The following STPG2 variants were observed in gnomAD, a reference collection of about 807,000 sequenced individuals.
The protein encoded by STPG2 is sperm tail PG-rich repeat containing 2.
Under a neutral mutation model 54.2 loss-of-function variants are expected in STPG2, and 56 were observed. The ratio of observed to expected loss-of-function variants is 1.03; its 90% CI spans 0.83 to 1.29. STPG2 has a LOEUF of 1.29. Ranked by LOEUF, STPG2 falls within the 50% of genes most tolerant of loss-of-function variation. The probability of loss-of-function intolerance (pLI) is 0.00; values close to 1 mark genes in which losing one functional copy is unlikely to be tolerated. For synonymous variants in STPG2, 200 were observed against 181.8 expected, an observed-to-expected ratio of 1.10 and a Z score of -0.81; for missense variants, 596 against 544.9, an observed-to-expected ratio of 1.09 and a Z score of -0.93.
intron 4 of STPG2, among the ~76,000 whole-genome samples, chr4:97,460,608 T>C (rs1729639188): frequency 6.6e-6 from 1 of 152,204 alleles, no homozygotes; most frequent in Non-Finnish European, 1.5e-5. Context: ...CAAGGAAACA[T>C]TTATTAAAAG....
intron 9 of STPG2, among the ~76,000 whole-genome samples, chr4:97,763,502 T>C (rs749411032): frequency 2.6e-5 from 4 of 152,216 alleles, no homozygotes; most frequent in African/African-American, 7.2e-5. Flanking sequence ...CAAATTTCTA[T>C]GATAGGTGAC....
chr4:97,441,377 A>T (rs1729075379), intron 4 of STPG2: 1 of 152,036 alleles, frequency 6.6e-6, no homozygotes. Context: ...GAAAAAAACA[A>T]ATATTATATA....
At chr4:97,558,506 C>T (rs1732136843), downstream of STPG2, among the ~76,000 whole-genome samples, 2 of 152,096 alleles carry the variant, frequency 1.3e-5, no homozygotes, top group South Asian at 4.1e-4. Flanking sequence ...GCTCACTTCC[C>T]CTGAAGGAAG....
chr4:97,650,079 T>C (rs1195595951), intron 10 of STPG2, among the ~76,000 whole-genome samples: 1 of 151,954 alleles, frequency 6.6e-6, no homozygotes, highest in Non-Finnish European at 1.5e-5. Context: ...CAGTTCACAA[T>C]AGGGTTCATG....
intron 10 of STPG2, among the ~76,000 whole-genome samples, chr4:97,576,113 GAT>G (rs2148887162): frequency 6.6e-6 from 1 of 152,138 alleles, no homozygotes; most frequent in East Asian, 1.9e-4. Context: ...AATCATAGAT[GAT>G]ATAAACAAAT....
chr4:97,463,698 C>CTT (rs1729722142), intron 4 of STPG2: 1 of 152,250 alleles, frequency 6.6e-6, no homozygotes, highest in East Asian at 1.9e-4. Context: ...GATCTGCCTG[C>CTT]CTTGGCCTCC....
chr4:97,857,438 T>C (rs1729370901), intron 8 of STPG2, among the ~76,000 whole-genome samples: 1 of 152,194 alleles, frequency 6.6e-6, no homozygotes. Flanking sequence ...ATTTCTAGTT[T>C]ATGGTCATAA....
intron 4 of STPG2, among the ~76,000 whole-genome samples, chr4:97,508,444 A>G (rs1180132835): frequency 1.3e-5 from 2 of 152,096 alleles, no homozygotes; most frequent in Non-Finnish European, 2.9e-5. Flanking sequence ...ATCAATCAAT[A>G]AAAAATAACT....
At chr4:98,071,858 T>C (rs574966827) in intron 5 of STPG2, among the ~76,000 whole-genome samples, 12 of 152,182 alleles carry the variant, frequency 7.9e-5, no homozygotes, top group Non-Finnish European at 1.6e-4. Flanking sequence ...CACAGTGAGA[T>C]ACTATCTCAT....
chr4:97,900,293 A>G (rs1437289325), intron 8 of STPG2, among the ~76,000 whole-genome samples: 1 of 151,936 alleles, frequency 6.6e-6, no homozygotes, highest in Non-Finnish European at 1.5e-5. Context: ...ACAAGGTTGC[A>G]GAAAAAGAAA....
chr4:97,691,837 C>G (rs1723375881), intron 10 of STPG2, among the ~76,000 whole-genome samples: 1 of 152,112 alleles, frequency 6.6e-6, no homozygotes. Context: ...CTATCCATGG[C>G]TGACAGACGT....
chr4:97,963,502 T>A (rs894440948), intron 7 of STPG2, among the ~76,000 whole-genome samples: 2 of 151,912 alleles, frequency 1.3e-5, no homozygotes, highest in Non-Finnish European at 1.5e-5. Flanking sequence ...AAAATTTTTT[T>A]AAAATAGCCA....
chr4:98,027,605 C>A (rs1427268160), intron 5 of STPG2, among the ~76,000 whole-genome samples: 4 of 152,062 alleles, frequency 2.6e-5, no homozygotes, highest in Non-Finnish European at 4.4e-5. Context: ...GTGTAGAACA[C>A]CAGACAAACA....
chr4:97,841,471 TATA>T (rs1728800575), intron 8 of STPG2, among the ~76,000 whole-genome samples: 1 of 151,786 alleles, frequency 6.6e-6, no homozygotes, highest in Non-Finnish European at 1.5e-5. Flanking sequence ...TATTAATAAA[TATA>T]ATAATTAATT....
chr4:97,919,527 A>AG (rs1732016344), intron 8 of STPG2, among the ~76,000 whole-genome samples: 1 of 152,002 alleles, frequency 6.6e-6, no homozygotes, highest in Non-Finnish European at 1.5e-5. Flanking sequence ...CACAAAAAAA[A>AG]GAAGAGAATG....
chr4:97,973,060 T>C (rs1734388465), intron 6 of STPG2, among the ~76,000 whole-genome samples: 1 of 152,174 alleles, frequency 6.6e-6, no homozygotes, highest in African/African-American at 2.4e-5. Flanking sequence ...ACTTTGGAAC[T>C]GGGTAACAGG....
At chr4:98,052,153 C>A (rs1340081171) in intron 5 of STPG2, among the ~76,000 whole-genome samples, 1 of 151,306 alleles carries the variant, frequency 6.6e-6, no homozygotes, top group Admixed American at 6.6e-5. Flanking sequence ...CCAAAAATTT[C>A]TCAAGTGGGG....
At chr4:97,725,161 A>C (rs554168978) in intron 9 of STPG2, among the ~76,000 whole-genome samples, 54 of 152,224 alleles carry the variant, frequency 3.5e-4, no homozygotes, top group African/African-American at 1.3e-3. Flanking sequence ...TGTTCTACTT[A>C]TTCATCCTAA....
At chr4:97,516,580 T>C (rs1578356684) in intron 4 of STPG2, among the ~76,000 whole-genome samples, 1 of 152,226 alleles carries the variant, frequency 6.6e-6, no homozygotes, top group East Asian at 1.9e-4. Context: ...CCCAGCACTT[T>C]GGGAGACCGA....
Sources: gnomAD v4.1 joint callset for allele counts (sites outside exome capture counted in the v4.1 genomes callset) on GRCh38, gnomAD v4.1.1 for gene constraint, MANE v1.5 for transcripts, NCBI Gene and HGNC (gene_info 2026-07-23, HGNC 2026-07-21) for gene names.